PAQR3: variants seen among roughly 807,000 people sequenced by gnomAD.
PAQR3 encodes the protein progestin and adipoQ receptor family member 3, also known as Raf kinase trapping to Golgi.
PAQR3 carries 39 observed loss-of-function variants against 41.7 expected under a neutral mutation model. The observed-to-expected ratio is 0.93, with a 90% CI of 0.72 to 1.22. The LOEUF is 1.22. PAQR3 is among the 50% of genes most tolerant of loss of function. The pLI, the probability that PAQR3 is intolerant of heterozygous loss-of-function variation, is 0.00. For synonymous variants in PAQR3, 140 were observed against 140.6 expected (o/e 1.00, Z 0.03); for missense variants, 366 against 385.6 (o/e 0.95, Z 0.42).
chr4:78,930,609 T>G, intron 2 of PAQR3: 1 of 207,840 alleles, frequency 4.8e-6, no homozygotes, highest in Non-Finnish European at 9.5e-6. Context: ...TATAAATAAA[T>G]AGCACAGTAA....
At chr4:78,929,622 T>G (rs1301541819) in intron 3 of PAQR3, among the ~76,000 whole-genome samples, 1 of 152,248 alleles carries the variant, frequency 6.6e-6, no homozygotes. Context: ...ATCTCACATT[T>G]GTTAAAGACA....
chr4:78,888,112 T>C (rs1366956370), exon 12 of PAQR3: 1 of 152,216 alleles, frequency 6.6e-6, no homozygotes, highest in Non-Finnish European at 1.5e-5. Context: ...GCTGAGTACA[T>C]TGAACAGCTT....
intron 12 of PAQR3, among the ~76,000 whole-genome samples, chr4:78,887,622 T>C (rs1733168727): frequency 6.6e-6 from 1 of 152,210 alleles, no homozygotes; most frequent in African/African-American, 2.4e-5. Flanking sequence ...TTGTACATGC[T>C]CTCTTGTAGA....
chr4:78,910,334 G>A (rs1577987196), downstream of PAQR3, among the ~76,000 whole-genome samples: 1 of 152,186 alleles, frequency 6.6e-6, no homozygotes, highest in Non-Finnish European at 1.5e-5. Context: ...TACATTCTGT[G>A]TGCTATAAAT....
At position 78,920,186 on chromosome 4, in the gene PAQR3, G is replaced by A; in HGVS notation, c.*353C>T. 7.0e-6 allele frequency: 7 copies of A among 1,001,218 alleles called. No homozygotes were observed. The highest frequency in any genetic ancestry group is 8.3e-6 in the Non-Finnish European group (7 of 840,292). 62.0% of individuals were successfully genotyped at this position (1,001,218 alleles called of 1,614,324 possible). A position where few individuals can be genotyped will look rare whatever the true frequency, so the allele number is the denominator to read the frequency against. On this transcript the variant is annotated 3_prime_UTR_variant, in exon 6 of 6. Transcript: ENST00000512733. ...CTGAAAATAATTAAGCACATAAGAT[G>A]ACTCCATTTTCTAATGGACATGAGC...
rs1192582521 is a variant in PAQR3 at position 78,916,491 on chromosome 4, T to C, written c.*4048A>G. 4.0e-5 allele frequency: 6 copies of C among 151,890 alleles called. No individual in the cohort carries two copies. Among genetic ancestry groups the C allele is most frequent in the Admixed American group, 1.3e-4 (2 of 15,202 alleles). The allele number at this position is 151,890 out of a possible 1,614,324, so 9.4% of individuals were successfully genotyped here. A position where few individuals can be genotyped will look rare whatever the true frequency, so the allele number is the denominator to read the frequency against. ...ACCTATTATGTAGCAGCTAGTGGAA[T>C]AGAAAAGTTGCTAAGATTAGATCCC... On this transcript the variant is annotated 3_prime_UTR_variant, in exon 6 of 6. Coordinates refer to ENST00000512733, the MANE Select transcript of PAQR3 (RefSeq NM_001040202.2).
chr4:78,895,499 A>T (rs1733654901), intron 11 of PAQR3, among the ~76,000 whole-genome samples: 1 of 152,182 alleles, frequency 6.6e-6, no homozygotes, highest in Non-Finnish European at 1.5e-5. Flanking sequence ...AATACTTGAC[A>T]TTGAGGATTC....
intron 1 of PAQR3, among the ~76,000 whole-genome samples, chr4:78,937,004 C>T (rs572216127): frequency 1.1e-4 from 16 of 152,250 alleles, no homozygotes; most frequent in South Asian, 2.1e-4. Context: ...TCTTACTGTA[C>T]GAAAAGTTAG....
At chr4:78,926,383 G>T in intron 4 of PAQR3, 138 bp downstream of exon 4, 1 of 683,498 alleles carries the variant, frequency 1.5e-6, no homozygotes, top group Non-Finnish European at 2.5e-6. Flanking sequence ...TGAAAATTAC[G>T]GCATCAACAT....
downstream of PAQR3, chr4:78,910,669 C>G: frequency 6.3e-7 from 1 of 1,597,096 alleles, no homozygotes; most frequent in Middle Eastern, 1.7e-4. Flanking sequence ...CACTGCAAAC[C>G]CTATCAAGAA....
intron 11 of PAQR3, among the ~76,000 whole-genome samples, chr4:78,893,092 G>C (rs886294870): frequency 6.6e-6 from 1 of 152,214 alleles, no homozygotes; most frequent in African/African-American, 2.4e-5. Flanking sequence ...CAAAATTGGA[G>C]TTAATTCCCT....
At chr4:78,901,121 A>G (rs975439549) in intron 11 of PAQR3, among the ~76,000 whole-genome samples, 1 of 152,082 alleles carries the variant, frequency 6.6e-6, no homozygotes, top group Non-Finnish European at 1.5e-5. Context: ...TAGGCTTACT[A>G]CAGCCCGGAC....
chr4:78,926,643 A>G lies in PAQR3; in HGVS notation c.580T>C (p.Tyr194His). The G allele has an allele frequency of 6.2e-7, 1 of 1,613,970 alleles. No individual in the cohort carries two copies. Among genetic ancestry groups the G allele is most frequent in the Non-Finnish European group, 8.5e-7 (1 of 1,179,866 alleles). Residue 194 changes from tyrosine to histidine, a missense_variant, in exon 4 of 6, where the codon TAC becomes CAC. Transcript: ENST00000512733. The stretch of plus-strand genomic sequence containing the variant: ...AGCCTTTGCCATTGCTGCGTGAGGT[A>G]ATTGGGATGAATCTGCGCAAAGAAC... Reference protein sequence around the residue: ...AVFFAQIHPNYLTQQWQRLRS... With the variant: ...AVFFAQIHPNHLTQQWQRLRS...
chr4:78,911,860 C>A (rs1481156785), downstream of PAQR3: 1 of 1,613,962 alleles, frequency 6.2e-7, no homozygotes, highest in Non-Finnish European at 8.5e-7. Context: ...GCGGCCAAGA[C>A]AAAATTCACT....
intron 11 of PAQR3, among the ~76,000 whole-genome samples, chr4:78,899,862 C>T (rs145500822): frequency 6.6e-6 from 1 of 152,186 alleles, no homozygotes; most frequent in East Asian, 1.9e-4. Context: ...ACAGATTATT[C>T]TTTCCAAGAG....
chr4:78,899,505 C>T (rs748381792), intron 11 of PAQR3, among the ~76,000 whole-genome samples: 2 of 151,986 alleles, frequency 1.3e-5, no homozygotes, highest in African/African-American at 2.4e-5. Flanking sequence ...AGTGGTAGTT[C>T]ATGCCAGTTA....
In PAQR3 at chr4:78,939,143, T is replaced by C. The variant is rs201008818; in HGVS notation, c.82A>G (p.Ile28Val). 150 of 1,613,666 alleles carry C rather than the reference T, an allele frequency of 9.3e-5. No homozygotes were observed. Among genetic ancestry groups the C allele is most frequent in the Admixed American group, 8.3e-5 (5 of 59,968 alleles). Residue 28 changes from isoleucine (I) to valine (V), a missense_variant, in exon 1 of 6, where the codon ATC (isoleucine) becomes GTC (valine). Physicochemically the swap from Ile to Val is conservative, Grantham distance 29 (BLOSUM62 3). Coordinates refer to ENST00000512733, the MANE Select transcript of PAQR3 (RefSeq NM_001040202.2). ...ATCTGCTCGTAGGTGTACAGGCGGA[T>C]GCCACGGGGCACCAGGACCGGCCAG... ...QYWPVLVPRG[I>V]RLYTYEQIPG... is the part of the protein sequence containing the mutation.
rs138262352 is a variant in PAQR3, at chr4:78,912,028, C to T, written c.*8511G>A. 2.2e-3 allele frequency: 3,546 copies of T among 1,601,234 alleles called. 20 individuals are homozygous for T. The Middle Eastern group carries it at 0.034, about 15-fold the overall frequency. ...TGGTGCTGCTCCATTTCCTTCTAAACAGTAGATACTTCTGATGGATTCTCG... is the reference window on the plus strand; with the variant it reads ...TGGTGCTGCTCCATTTCCTTCTAAATAGTAGATACTTCTGATGGATTCTCG... On this transcript the variant is annotated 3_prime_UTR_variant, in exon 6 of 6. Coordinates refer to ENST00000512733, the MANE Select transcript of PAQR3 (RefSeq NM_001040202.2).
At chr4:78,931,200 AAAAAAAAAAAAAT>A (rs1345983247) in intron 2 of PAQR3, among the ~76,000 whole-genome samples, 2 of 150,102 alleles carry the variant, frequency 1.3e-5, no homozygotes, top group African/African-American at 4.9e-5. Context: ...AAAAAAAAAA[AAAAAAAAAAAAAT>A]TGGGCATGGC....
Sources: gnomAD v4.1 joint callset for allele counts (sites outside exome capture counted in the v4.1 genomes callset) on GRCh38, gnomAD v4.1.1 for gene constraint, MANE v1.5 for transcripts, NCBI Gene and HGNC (gene_info 2026-07-23, HGNC 2026-07-21) for gene names.